PCDHA5: variants seen among roughly 807,000 people sequenced by gnomAD.
PCDHA5 encodes protocadherin alpha 5, also known as protocadherin alpha-5.
Under a neutral mutation model 61.6 loss-of-function variants are expected in PCDHA5, and 43 were observed. The ratio of observed to expected loss-of-function variants is 0.70; its 90% confidence interval spans 0.55 to 0.90. PCDHA5 has a LOEUF of 0.90. PCDHA5 is among the 40% of genes least tolerant of loss of function. PCDHA5 has a pLI of 0.00. For synonymous variants in PCDHA5, 627 were observed against 543.9 expected, an observed-to-expected ratio of 1.15 and a Z score of -2.13; for missense variants, 1,298 against 1,222.7, an observed-to-expected ratio of 1.06 and a Z score of -0.92.
chr5:140,854,474 G>A (rs2043136313), intron 1 of PCDHA5: 1 of 149,900 alleles, frequency 6.7e-6, no homozygotes, highest in Non-Finnish European at 1.5e-5. Context: ...GAGTAGAGAA[G>A]TATAGAAACA....
intron 1 of PCDHA5, chr5:140,841,973 G>T (rs2150326625): frequency 4.8e-5 from 77 of 1,613,744 alleles, no homozygotes; most frequent in Non-Finnish European, 6.3e-5. Flanking sequence ...CACAGATGGG[G>T]GCAAACCTGA....
intron 1 of PCDHA5, among the ~76,000 whole-genome samples, chr5:140,915,919 AC>A (rs1449299766): frequency 6.6e-6 from 1 of 152,102 alleles, no homozygotes; most frequent in Non-Finnish European, 1.5e-5. Flanking sequence ...CAGAGATGCT[AC>A]TTGGGAGTCA....
At chr5:140,927,489 C>T (rs147183638) in intron 1 of PCDHA5, 63 of 1,614,126 alleles carry the variant, frequency 3.9e-5, no homozygotes, top group Non-Finnish European at 4.8e-5. Flanking sequence ...GCGCCACCCA[C>T]CTGCTGGTGC....
rs782453395 is a variant in PCDHA5 at position 140,875,890 on chromosome 5, G to T, written c.2352+51763G>T. 79 of 1,614,062 alleles carry T rather than the reference G, an allele frequency of 4.9e-5. No homozygotes were observed. Among genetic ancestry groups the T allele is most frequent in the Non-Finnish European group, 5.9e-5 (70 of 1,180,034 alleles). On this transcript the variant is annotated intron_variant, in intron 1 of 3. Coordinates refer to ENST00000529859, the MANE Select transcript of PCDHA5 (RefSeq NM_018908.3). ...GGTGTTCAGAGAAAGGGAACAAAAG[G>T]TACCTGTTTCTGAATCTGCGCCTCT...
intron 1 of PCDHA5, chr5:140,851,418 C>G: frequency 1.0e-6 from 1 of 958,736 alleles, no homozygotes; most frequent in South Asian, 4.8e-5. Flanking sequence ...AGAAACTTCC[C>G]CTAAACTTTA....
chr5:140,849,523 T>A (rs2150439737), intron 1 of PCDHA5: 1 of 1,597,506 alleles, frequency 6.3e-7, no homozygotes, highest in African/African-American at 1.3e-5. Flanking sequence ...GTTGTGGATG[T>A]AAATGACAAT....
At chr5:140,930,002 C>T (rs1304233576) in intron 1 of PCDHA5, 4 of 152,196 alleles carry the variant, frequency 2.6e-5, no homozygotes, top group African/African-American at 9.6e-5. Flanking sequence ...CACCCTAAAA[C>T]ATAGCTGATA....
chr5:140,915,626 GTCTCTC>G (rs57920489), intron 1 of PCDHA5, among the ~76,000 whole-genome samples: 2,942 of 146,518 alleles, frequency 0.02, 88 homozygotes, highest in African/African-American at 0.07. Context: ...GTCTCTTTCT[GTCTCTC>G]TCTCTCTCTC....
At chr5:140,943,796 C>T (rs2093568961) in intron 1 of PCDHA5, among the ~76,000 whole-genome samples, 1 of 152,032 alleles carries the variant, frequency 6.6e-6, no homozygotes, top group Non-Finnish European at 1.5e-5. Flanking sequence ...TTATGCAAAG[C>T]AAAAGAGGAA....
At chr5:140,969,294 T>C in intron 1 of PCDHA5, 2 of 1,614,212 alleles carry the variant, frequency 1.2e-6, no homozygotes, top group Non-Finnish European at 1.7e-6. Context: ...GCTGGGAACC[T>C]GATTATTCTC....
intron 1 of PCDHA5, among the ~76,000 whole-genome samples, chr5:140,908,751 C>T (rs1302522906): frequency 6.6e-6 from 1 of 152,170 alleles, no homozygotes; most frequent in Non-Finnish European, 1.5e-5. Context: ...GCAACTTGCA[C>T]ACAGCCTGGA....
chr5:140,883,319 A>C, intron 1 of PCDHA5: 1 of 1,614,126 alleles, frequency 6.2e-7, no homozygotes, highest in Non-Finnish European at 8.5e-7. Context: ...CCCAGAGGTT[A>C]CCATCACTTC....
chr5:140,928,698 G>A, intron 1 of PCDHA5: 1 of 1,614,148 alleles, frequency 6.2e-7, no homozygotes, highest in East Asian at 2.2e-5. Context: ...ACATCTCCCG[G>A]GCGTCTGACT....
chr5:140,993,368 T>A (rs1354951477), intron 3 of PCDHA5, among the ~76,000 whole-genome samples: 2 of 151,944 alleles, frequency 1.3e-5, no homozygotes, highest in Middle Eastern at 6.8e-3. Flanking sequence ...AAAAACTACC[T>A]CCCAGCCGGG....
At chr5:140,901,329 T>A (rs180738358) in intron 1 of PCDHA5, among the ~76,000 whole-genome samples, 102 of 152,302 alleles carry the variant, frequency 6.7e-4, no homozygotes, top group Admixed American at 1.2e-3. Context: ...TTTCTTGTAG[T>A]CGTTTTATAG....
At chr5:140,863,142 G>C (rs782245937) in intron 1 of PCDHA5, 1 of 609,728 alleles carries the variant, frequency 1.6e-6, no homozygotes. Flanking sequence ...TGCTGGTGCT[G>C]GTGAAGGACC....
intron 1 of PCDHA5, among the ~76,000 whole-genome samples, chr5:140,897,595 A>C (rs2066215346): frequency 6.6e-6 from 1 of 152,132 alleles, no homozygotes; most frequent in Admixed American, 6.5e-5. Context: ...TCATTGTTGG[A>C]CATTTGGGTT....
chr5:140,950,862 A>G (rs2094526538), intron 1 of PCDHA5, among the ~76,000 whole-genome samples: 1 of 151,952 alleles, frequency 6.6e-6, no homozygotes, highest in African/African-American at 2.4e-5. Context: ...ATATTCTTGT[A>G]TATTCTATAT....
chr5:141,011,822 A>G lies in PCDHA5; in HGVS notation c.*1885A>G, dbSNP rs181852141. 7 of 153,844 alleles carry G rather than the reference A, an allele frequency of 4.6e-5. No homozygotes were observed. The highest frequency in any genetic ancestry group is 1.4e-4 in the African/African-American group (6 of 41,546). The allele number at this position is 153,844 out of a possible 1,614,324, so 9.5% of individuals were successfully genotyped here. A position where few individuals can be genotyped will look rare whatever the true frequency, so the allele number is the denominator to read the frequency against. On this transcript the variant is annotated 3_prime_UTR_variant, in exon 4 of 4. Transcript: ENST00000529859. ...ATATCAGCTCATAGAAAGTAACAAA[A>G]TTTGCTGTCACCTTAAATAAGACAT...
Sources: allele counts gnomAD v4.1 joint callset (sites outside exome capture counted in the v4.1 genomes callset), GRCh38; gene constraint gnomAD v4.1.1; transcripts MANE v1.5; gene names NCBI Gene and HGNC (gene_info 2026-07-23, HGNC 2026-07-21).